TTC6: variants seen among roughly 807,000 people sequenced by gnomAD.
The protein encoded by TTC6 is tetratricopeptide repeat protein 6.
In TTC6, 172 loss-of-function variants were observed where a neutral mutation model predicts 210.4. The observed-to-expected ratio is 0.82, with a 90% CI of 0.72 to 0.93. The LOEUF (loss-of-function observed/expected upper bound fraction) is 0.93, where lower values mean the gene tolerates loss of function less well. TTC6 is among the 40% of genes least tolerant of loss of function. The pLI is 0.00. For missense variants in TTC6, 2,414 were observed against 2,318.1 expected, an observed-to-expected ratio of 1.04 and a Z score of -0.85; for synonymous variants, 804 against 819.6, an observed-to-expected ratio of 0.98 and a Z score of 0.32.
intron 20 of TTC6, among the ~76,000 whole-genome samples, chr14:37,801,046 A>G (rs1234016769): frequency 6.6e-6 from 1 of 152,184 alleles, no homozygotes; most frequent in East Asian, 1.9e-4. Context: ...GCCCAAATGT[A>G]TTTCAGAACT....
At chr14:37,676,617 A>G (rs1387020154) in intron 1 of TTC6, among the ~76,000 whole-genome samples, 6 of 152,006 alleles carry the variant, frequency 3.9e-5, no homozygotes, top group Admixed American at 3.3e-4. Flanking sequence ...TTTTGTTGTT[A>G]TATCTAAGAA....
chr14:37,725,175 TTGTA>T (rs1315898723), intron 7 of TTC6, among the ~76,000 whole-genome samples, 173 bp downstream of exon 9: 1 of 150,302 alleles, frequency 6.7e-6, no homozygotes, highest in Non-Finnish European at 1.5e-5. Context: ...ATGTAAATAA[TTGTA>T]TGTATGTATA....
intron 7 of TTC6, among the ~76,000 whole-genome samples, chr14:37,734,372 A>T (rs1234577743): frequency 5.3e-5 from 8 of 152,184 alleles, no homozygotes. Flanking sequence ...CCTTGCCCCA[A>T]GAAATTGCCA....
intron 3 of TTC6, among the ~76,000 whole-genome samples, chr14:37,693,298 C>G (rs2095807873): frequency 6.6e-6 from 1 of 151,948 alleles, no homozygotes; most frequent in South Asian, 2.1e-4. Context: ...TACAAAATAC[C>G]TAGGAATTAA....
intron 26 of TTC6, among the ~76,000 whole-genome samples, chr14:37,821,520 A>T (rs1351671318): frequency 6.6e-6 from 1 of 152,138 alleles, no homozygotes; most frequent in Non-Finnish European, 1.5e-5. Flanking sequence ...CTTGCTTGTA[A>T]CATCAGAAGC....
At chr14:37,829,758 A>G (rs1174285965) in intron 29 of TTC6, among the ~76,000 whole-genome samples, 1 of 152,060 alleles carries the variant, frequency 6.6e-6, no homozygotes, top group Non-Finnish European at 1.5e-5. Flanking sequence ...TAGATATTGC[A>G]AGGCAAGTGC....
At chr14:37,752,235 G>A (rs2095954518) in intron 13 of TTC6, among the ~76,000 whole-genome samples, 1 of 151,838 alleles carries the variant, frequency 6.6e-6, no homozygotes, top group Non-Finnish European at 1.5e-5. Flanking sequence ...ATTCCTTACT[G>A]CAATTAAGAA....
intron 7 of TTC6, among the ~76,000 whole-genome samples, chr14:37,730,948 A>G (rs1167085246): frequency 6.6e-6 from 1 of 152,200 alleles, no homozygotes; most frequent in Non-Finnish European, 1.5e-5. Context: ...TAGAGGCTGG[A>G]GCTGCAGCAA....
At chr14:37,780,366 AT>A (rs2139250616) in intron 14 of TTC6, among the ~76,000 whole-genome samples, 1 of 152,238 alleles carries the variant, frequency 6.6e-6, no homozygotes, top group East Asian at 1.9e-4. Flanking sequence ...TAAGCCCAGT[AT>A]CCATTAGCGA....
chr14:37,812,687 A>G (rs1595301583), intron 25 of TTC6, among the ~76,000 whole-genome samples: 1 of 152,342 alleles, frequency 6.6e-6, no homozygotes, highest in African/African-American at 2.4e-5. Flanking sequence ...ACTTCTCTTA[A>G]GGGAGTACAG....
At chr14:37,700,250 A>C (rs948648198) in intron 4 of TTC6, among the ~76,000 whole-genome samples, 3 of 152,190 alleles carry the variant, frequency 2.0e-5, no homozygotes, top group African/African-American at 7.2e-5. Context: ...GCCAATAGCC[A>C]GTAATGTTGT....
chr14:37,685,204 G>C (rs2095791477), intron 3 of TTC6, among the ~76,000 whole-genome samples: 1 of 152,156 alleles, frequency 6.6e-6, no homozygotes, highest in Non-Finnish European at 1.5e-5. Flanking sequence ...CACATGACCT[G>C]ATATTATAAA....
chr14:37,786,834 A>G (rs1282766519), intron 14 of TTC6, among the ~76,000 whole-genome samples: 1 of 152,152 alleles, frequency 6.6e-6, no homozygotes, highest in Non-Finnish European at 1.5e-5. Flanking sequence ...TTTCCTTGTC[A>G]TCTTTATTTT....
intron 22 of TTC6, among the ~76,000 whole-genome samples, 165 bp downstream of exon 24, chr14:37,806,675 A>G (rs774336830): frequency 1.6e-4 from 25 of 152,196 alleles, no homozygotes; most frequent in Non-Finnish European, 2.8e-4. Flanking sequence ...TTCTTAAACT[A>G]AAAGTATTAT....
intron 5 of TTC6, among the ~76,000 whole-genome samples, chr14:37,705,914 G>A (rs1305082089): frequency 1.3e-5 from 2 of 152,096 alleles, no homozygotes; most frequent in African/African-American, 4.8e-5. Flanking sequence ...AGTATAGTCC[G>A]CAGACTAGCG....
At chr14:37,756,885 C>G (rs992600166) in intron 14 of TTC6, among the ~76,000 whole-genome samples, 1 of 152,030 alleles carries the variant, frequency 6.6e-6, no homozygotes, top group Non-Finnish European at 1.5e-5. Flanking sequence ...CAGAGGAGTC[C>G]CTCTTTTTCT....
downstream of TTC6, chr14:37,842,632 T>C (rs2096212580): frequency 6.2e-6 from 1 of 162,568 alleles, no homozygotes; most frequent in Non-Finnish European, 1.3e-5. Context: ...AGAAAAAGTG[T>C]CACTGACCTT....
At chr14:37,704,377 G>T (rs1442563057) in intron 5 of TTC6, among the ~76,000 whole-genome samples, 1 of 152,044 alleles carries the variant, frequency 6.6e-6, no homozygotes, top group Non-Finnish European at 1.5e-5. Context: ...TTATAACCAA[G>T]CTATGGTGAC....
chr14:37,829,915 T>G (rs1415971164), intron 29 of TTC6, among the ~76,000 whole-genome samples: 1 of 152,096 alleles, frequency 6.6e-6, no homozygotes, highest in Non-Finnish European at 1.5e-5. Flanking sequence ...TTACCCTTAT[T>G]GCACATTTTA....
Sources: gnomAD v4.1 joint callset for allele counts (sites outside exome capture counted in the v4.1 genomes callset) on GRCh38, gnomAD v4.1.1 for gene constraint, MANE v1.5 for transcripts, NCBI Gene and HGNC (gene_info 2026-07-23, HGNC 2026-07-21) for gene names.